The following RARB variants were observed in gnomAD, a reference collection of about 807,000 sequenced individuals.
RARB encodes the protein retinoic acid receptor beta, also known as HBV-activated protein.
Under a neutral mutation model 51.9 loss-of-function variants are expected in RARB, and 17 were observed. The observed-to-expected ratio is 0.33, with a 90% CI of 0.22 to 0.49. The LOEUF (loss-of-function observed/expected upper bound fraction) is 0.49, where lower values mean the gene tolerates loss of function less well. RARB is among the 20% of genes least tolerant of loss of function. RARB has a pLI of 0.99. For missense variants in RARB, 369 were observed against 550.8 expected (o/e 0.67, Z 3.30); for synonymous variants, 215 against 195.4 (o/e 1.10, Z -0.84).
At chr3:25,357,165 C>T (rs986458690) in intron 5 of RARB, among the ~76,000 whole-genome samples, 2 of 152,196 alleles carry the variant, frequency 1.3e-5, no homozygotes, top group Non-Finnish European at 2.9e-5. Context: ...TTCACATCCT[C>T]TCCAGCATCT....
At chr3:25,043,747 A>G (rs910860604) in intron 2 of RARB, among the ~76,000 whole-genome samples, 2 of 152,218 alleles carry the variant, frequency 1.3e-5, no homozygotes, top group Admixed American at 1.3e-4. Flanking sequence ...ACCACTCAGC[A>G]TGCTCCCTAA....
intron 2 of RARB, among the ~76,000 whole-genome samples, chr3:24,891,759 G>A (rs1314735113): frequency 1.3e-5 from 2 of 152,106 alleles, no homozygotes; most frequent in African/African-American, 2.4e-5. Flanking sequence ...GGAGAACAAA[G>A]TGGTTAAACA....
intron 4 of RARB, among the ~76,000 whole-genome samples, chr3:25,137,930 C>T (rs1318375656): frequency 6.6e-6 from 1 of 152,114 alleles, no homozygotes; most frequent in African/African-American, 2.4e-5. Context: ...TACCAGAGCT[C>T]TCTGAAATAG....
chr3:25,370,484 C>T (rs1017367835), intron 5 of RARB, among the ~76,000 whole-genome samples: 39 of 152,102 alleles, frequency 2.6e-4, no homozygotes, highest in African/African-American at 8.7e-4. Flanking sequence ...TCTGGCTTAA[C>T]TAGAGAGGGA....
At chr3:25,402,841 T>A (rs1447921866) in intron 5 of RARB, among the ~76,000 whole-genome samples, 5 of 151,840 alleles carry the variant, frequency 3.3e-5, no homozygotes, top group Non-Finnish European at 7.4e-5. Context: ...GGCATGAGGA[T>A]GGTTAATGGG....
intron 3 of RARB, among the ~76,000 whole-genome samples, chr3:25,527,418 A>G (rs977200442): frequency 7.9e-5 from 12 of 152,236 alleles, no homozygotes; most frequent in African/African-American, 2.7e-4. Context: ...TGGTAGTGAA[A>G]GAGCATTGTA....
rs1698268660 is a variant in RARB, at chr3:25,048,813, T to A, written c.-379-11312T>A. On this transcript the variant is annotated intron_variant, in intron 2 of 11. Transcript: ENST00000383772. The stretch of plus-strand genomic sequence containing the variant: ...CTCTGTTGCCCAGGCTGGAGTGCAG[T>A]GGCGCGATCTCGGCTCACTGCAAGC... Among the ~76,000 whole-genome samples, 6 of 135,614 alleles carry A rather than the reference T, an allele frequency of 4.4e-5. No individual in the cohort carries two copies. In the South Asian group the frequency reaches 1.4e-3, roughly 31 times the overall value. 89.0% of individuals were successfully genotyped at this position (135,614 alleles called of 152,430 possible). A position where few individuals can be genotyped will look rare whatever the true frequency, so the allele number is the denominator to read the frequency against.
intron 3 of RARB, among the ~76,000 whole-genome samples, chr3:25,067,004 T>A (rs1388629706): frequency 6.6e-6 from 1 of 152,168 alleles, no homozygotes; most frequent in African/African-American, 2.4e-5. Flanking sequence ...AACAGTGAAC[T>A]ACTACTACAT....
intron 5 of RARB, among the ~76,000 whole-genome samples, chr3:25,584,534 G>A (rs1010714440): frequency 3.9e-5 from 6 of 152,170 alleles, no homozygotes; most frequent in Non-Finnish European, 7.3e-5. Flanking sequence ...TGTGTGAGTC[G>A]TGGGGAGCCT....
At chr3:25,195,813 G>C (rs1300373557) in intron 5 of RARB, among the ~76,000 whole-genome samples, 3 of 151,886 alleles carry the variant, frequency 2.0e-5, no homozygotes. Context: ...TGTCTTGAGT[G>C]ATAAAATATG....
intron 4 of RARB, among the ~76,000 whole-genome samples, chr3:25,575,276 G>A (rs1265245136): frequency 6.6e-6 from 1 of 152,168 alleles, no homozygotes; most frequent in African/African-American, 2.4e-5. Context: ...CCTGCCGTGC[G>A]GCCCAGTTCC....
intron 2 of RARB, among the ~76,000 whole-genome samples, chr3:25,046,512 G>T (rs1455009670): frequency 3.3e-5 from 5 of 152,120 alleles, no homozygotes; most frequent in Non-Finnish European, 7.3e-5. Flanking sequence ...GGAGAGCAGT[G>T]GTGTGATCTT....
At chr3:25,561,883 A>G (rs967985885) in intron 3 of RARB, among the ~76,000 whole-genome samples, 5 of 152,208 alleles carry the variant, frequency 3.3e-5, no homozygotes, top group Non-Finnish European at 5.9e-5. Flanking sequence ...CTTATCTGGA[A>G]CAGTCTGTTG....
intron 5 of RARB, among the ~76,000 whole-genome samples, chr3:25,199,455 AT>A (rs1262647496): frequency 2.0e-5 from 3 of 151,964 alleles, no homozygotes; most frequent in East Asian, 3.9e-4. Context: ...TATAATTGGA[AT>A]TTTTTTATTA....
chr3:25,398,610 C>T (rs2125492646), intron 5 of RARB, among the ~76,000 whole-genome samples: 1 of 152,114 alleles, frequency 6.6e-6, no homozygotes, highest in African/African-American at 2.4e-5. Flanking sequence ...CTCTTTTTTG[C>T]CCTCATCTGG....
intron 5 of RARB, among the ~76,000 whole-genome samples, chr3:25,351,900 A>G (rs1575333951): frequency 1.3e-5 from 2 of 152,150 alleles, no homozygotes; most frequent in African/African-American, 4.8e-5. Flanking sequence ...ACCTTAACCA[A>G]GTTCTTCAAA....
chr3:25,480,126 G>A (rs1696153249), intron 2 of RARB, among the ~76,000 whole-genome samples: 2 of 152,276 alleles, frequency 1.3e-5, no homozygotes, highest in Admixed American at 6.5e-5. Flanking sequence ...CCATTGGATT[G>A]GGAATCACAT....
At chr3:25,540,061 C>A (rs935458876) in intron 3 of RARB, among the ~76,000 whole-genome samples, 12 of 152,268 alleles carry the variant, frequency 7.9e-5, no homozygotes, top group African/African-American at 2.9e-4. Flanking sequence ...GTCCTGAAAT[C>A]CCCTGCATAT....
At position 25,428,264 on chromosome 3, in the gene RARB, T is replaced by C; in HGVS notation, c.-468T>C. The stretch of plus-strand genomic sequence containing the variant: ...AGGCAATTCAATCTTTCATTCTGTG[T>C]GACAGAAGTAGTAGGAAGTGAGCTG... On this transcript the variant is annotated 5_prime_UTR_variant, in exon 1 of 8. Transcript: ENST00000330688. 8.1e-7 allele frequency: 1 copy of C among 1,233,314 alleles called. No individual in the cohort carries two copies. The highest frequency in any genetic ancestry group is 1.0e-6 in the Non-Finnish European group (1 of 989,036). The allele number at this position is 1,233,314 out of a possible 1,614,324, so 76.4% of individuals were successfully genotyped here. A position where few individuals can be genotyped will look rare whatever the true frequency, so the allele number is the denominator to read the frequency against.
Sources: gnomAD v4.1 joint callset for allele counts (sites outside exome capture counted in the v4.1 genomes callset) on GRCh38, gnomAD v4.1.1 for gene constraint, MANE v1.5 for transcripts, NCBI Gene and HGNC (gene_info 2026-07-23, HGNC 2026-07-21) for gene names.